The following PTPN13 variants were observed in gnomAD, a reference collection of about 807,000 sequenced individuals.
PTPN13 encodes protein tyrosine phosphatase non-receptor type 13.
Under a neutral mutation model 284.0 loss-of-function variants are expected in PTPN13, and 191 were observed. The observed-to-expected ratio is 0.67, with a 90% CI of 0.60 to 0.76. The LOEUF (loss-of-function observed/expected upper bound fraction) is 0.76. Among genes scored for constraint, PTPN13 ranks in the 30% least tolerant of loss-of-function variants. The pLI is 0.00. For synonymous variants in PTPN13, 986 were observed against 1,022.3 expected (o/e 0.96, Z 0.68); for missense variants, 2,797 against 2,939.9 (o/e 0.95, Z 1.12).
intron 6 of PTPN13, 76 bp from the exon 7 acceptor site, chr4:86,701,165 A>G: frequency 8.6e-7 from 1 of 1,161,158 alleles, no homozygotes. Flanking sequence ...CACCACTTTC[A>G]TTGTCAATAG....
intron 2 of PTPN13, among the ~76,000 whole-genome samples, chr4:86,655,555 T>C (rs1280330708): frequency 6.6e-6 from 1 of 152,218 alleles, no homozygotes; most frequent in Non-Finnish European, 1.5e-5. Context: ...TCTTTAAGAA[T>C]GTTGAATATT....
chr4:86,740,071 G>A (rs965430126), intron 15 of PTPN13, among the ~76,000 whole-genome samples: 4 of 152,196 alleles, frequency 2.6e-5, no homozygotes, highest in South Asian at 2.1e-4. Context: ...ATGGGCTGGT[G>A]TTGAGTATCT....
chr4:86,808,778 G>A (rs976902937), intron 45 of PTPN13, among the ~76,000 whole-genome samples: 14 of 152,048 alleles, frequency 9.2e-5, no homozygotes, highest in African/African-American at 3.1e-4. Context: ...CAACAACACA[G>A]ACAAAAAATA....
At chr4:86,798,783 A>T (rs1273155874) in intron 41 of PTPN13, among the ~76,000 whole-genome samples, 6 of 152,230 alleles carry the variant, frequency 3.9e-5, no homozygotes, top group African/African-American at 7.2e-5. Flanking sequence ...AGAAAGAGCT[A>T]TATGCCGGTA....
intron 47 of PTPN13, 129 bp downstream of exon 47, chr4:86,811,237 G>T: frequency 2.7e-6 from 2 of 748,606 alleles, no homozygotes; most frequent in Non-Finnish European, 2.0e-6. Flanking sequence ...ATTTACTGCA[G>T]TGAGGGGCAT....
Position 86,750,785 on chromosome 4 carries a change from T to G in PTPN13, c.2966T>G (p.Met989Arg). Reference protein sequence around the residue: ...YPHRKNVIVNMEPPPQTVAEL... With the variant: ...YPHRKNVIVNREPPPQTVAEL... Reference sequence around the variant, plus strand: ...CATCGGAAAAATGTCATTGTTAACATGGAACCCCCACCACAAACCGTTGCA... The same window carrying G: ...CATCGGAAAAATGTCATTGTTAACAGGGAACCCCCACCACAAACCGTTGCA... Residue 989 changes from methionine (M) to arginine (R), a missense_variant, in exon 18 of 48, where the codon ATG (methionine) becomes AGG (arginine). By Grantham distance (91) the Met-to-Arg change is moderately conservative. Coordinates refer to ENST00000411767, the MANE Select transcript of PTPN13 (RefSeq NM_080683.3). 1 of 1,613,668 alleles carries G rather than the reference T, an allele frequency of 6.2e-7. No individual in the cohort carries two copies. Among genetic ancestry groups the G allele is most frequent in the African/African-American group, 1.3e-5 (1 of 75,026 alleles).
chr4:86,716,705 A>G (rs1201426428), intron 8 of PTPN13, 80 bp downstream of exon 8: 4 of 1,056,818 alleles, frequency 3.8e-6, no homozygotes, highest in Non-Finnish European at 5.4e-6. Context: ...AAATATTAAT[A>G]TAAATTGCCA....
intron 12 of PTPN13, 96 bp from the exon 13 acceptor site, chr4:86,734,207 C>T: frequency 1.0e-6 from 1 of 958,546 alleles, no homozygotes; most frequent in Non-Finnish European, 1.5e-6. Flanking sequence ...TCATATGATA[C>T]TCTTTTATGC....
chr4:86,656,096 G>A (rs1309157888), intron 2 of PTPN13, among the ~76,000 whole-genome samples: 1 of 152,100 alleles, frequency 6.6e-6, no homozygotes, highest in Non-Finnish European at 1.5e-5. Flanking sequence ...GCTCCTTCAG[G>A]TCATTTAAGG....
At chr4:86,683,795 A>G (rs1289182549) in intron 3 of PTPN13, among the ~76,000 whole-genome samples, 3 of 152,242 alleles carry the variant, frequency 2.0e-5, no homozygotes, top group Non-Finnish European at 4.4e-5. Context: ...AGAAGTAAGT[A>G]TAATAAAGAA....
intron 44 of PTPN13, 61 bp downstream of exon 44, chr4:86,805,430 T>A: frequency 1.9e-6 from 2 of 1,029,532 alleles, no homozygotes; most frequent in South Asian, 3.7e-5. Context: ...TGGATTAAAA[T>A]TTTTTGTGTT....
At chr4:86,686,301 G>C (rs1212494763) in intron 3 of PTPN13, among the ~76,000 whole-genome samples, 2 of 151,848 alleles carry the variant, frequency 1.3e-5, no homozygotes, top group African/African-American at 2.4e-5. Flanking sequence ...GTTGCAGTGA[G>C]CCGAGATTGT....
intron 26 of PTPN13, among the ~76,000 whole-genome samples, chr4:86,765,916 C>T (rs1739255365): frequency 6.6e-6 from 1 of 152,024 alleles, no homozygotes; most frequent in African/African-American, 2.4e-5. Flanking sequence ...CAACCTCCGC[C>T]TCCTGGGTTC....
chr4:86,784,862 G>T (rs1235377727), intron 38 of PTPN13, among the ~76,000 whole-genome samples: 1 of 151,998 alleles, frequency 6.6e-6, no homozygotes, highest in African/African-American at 2.4e-5. Flanking sequence ...AGGATGTTTT[G>T]TCTGATCTAT....
chr4:86,753,071 T>A lies in PTPN13; in HGVS notation c.3223+6T>A, dbSNP rs766413996. ...AGTACCCTTAAAAGAAAATGGTAGG[T>A]TTACAAAATGTTTTTCCCCTCATTT... is the stretch of plus-strand genomic sequence containing the variant. On this transcript the variant is annotated splice_donor_region_variant and intron_variant, in intron 20 of 47. Transcript: ENST00000411767. 1 of 1,599,764 alleles carries A rather than the reference T, an allele frequency of 6.3e-7. No individual in the cohort carries two copies. Among genetic ancestry groups the A allele is most frequent in the Non-Finnish European group, 8.6e-7 (1 of 1,168,766 alleles).
intron 7 of PTPN13, among the ~76,000 whole-genome samples, chr4:86,704,095 A>G (rs1731464065): frequency 6.6e-6 from 1 of 152,084 alleles, no homozygotes; most frequent in African/African-American, 2.4e-5. Flanking sequence ...GAGGCAGGAG[A>G]ATCAAGTGAA....
intron 2 of PTPN13, 147 bp from the exon 3 acceptor site, chr4:86,672,218 G>A (rs1727787747): frequency 1.8e-6 from 1 of 546,322 alleles, no homozygotes; most frequent in Admixed American, 3.9e-5. Flanking sequence ...TTTGTAGCAT[G>A]TTGATTTGGT....
chr4:86,727,907 AG>A lies in PTPN13; in HGVS notation c.1609-4490del, dbSNP rs1479745706. Among the ~76,000 whole-genome samples the A allele has an allele frequency of 4.0e-5, 6 of 149,142 alleles. No homozygotes were observed. The Admixed American group carries it at 4.0e-4, about 10-fold the overall frequency. On this transcript the variant is annotated intron_variant, in intron 10 of 47. Coordinates refer to ENST00000411767, the MANE Select transcript of PTPN13 (RefSeq NM_080683.3). ...CTCTAGTTCTTTTAATTGTGATGTT[AG>A]GGTGTTGATTTTATATCTTTCCTGC...
intron 1 of PTPN13, among the ~76,000 whole-genome samples, chr4:86,630,430 G>C (rs868248618): frequency 6.6e-6 from 1 of 152,068 alleles, no homozygotes; most frequent in Non-Finnish European, 1.5e-5. Context: ...ATCACCATGC[G>C]AATCTGTTAT....
Sources: allele counts gnomAD v4.1 joint callset (sites outside exome capture counted in the v4.1 genomes callset), GRCh38; gene constraint gnomAD v4.1.1; transcripts MANE v1.5; gene names NCBI Gene and HGNC (gene_info 2026-07-23, HGNC 2026-07-21).